The following SUCO variants were observed in gnomAD, a reference collection of about 807,000 sequenced individuals.
The protein encoded by SUCO is SUN domain containing ossification factor, also known as SUN domain-containing ossification factor.
A neutral mutation model predicts 148.1 loss-of-function variants in SUCO; 57 were observed. The ratio of observed to expected loss-of-function variants is 0.38; its 90% confidence interval spans 0.31 to 0.48. The LOEUF (loss-of-function observed/expected upper bound fraction) is 0.48, where lower values mean the gene tolerates loss of function less well. Among genes scored for constraint, SUCO ranks in the 20% least tolerant of loss-of-function variants. The probability of loss-of-function intolerance (pLI) is 0.96; values close to 1 mark genes in which losing one functional copy is unlikely to be tolerated. For synonymous variants in SUCO, 470 were observed against 502.7 expected (o/e 0.93, Z 0.87); for missense variants, 1,331 against 1,468.2 (o/e 0.91, Z 1.53).
At chr1:172,532,760 A>T, upstream of SUCO, 1 of 1,613,686 alleles carries the variant, frequency 6.2e-7, no homozygotes, top group Non-Finnish European at 8.5e-7. Context: ...TACAACTCCC[A>T]AAGGCCCTTG....
At chr1:172,532,849 T>G (rs757472649), upstream of SUCO, 251 of 1,539,518 alleles carry the variant, frequency 1.6e-4, no homozygotes, top group Non-Finnish European at 2.0e-4. Context: ...CCTCCCGGCT[T>G]TCTGAACGCA....
rs900323742 is a variant in SUCO at position 172,610,408 on chromosome 1, G to T, written c.*149G>T. 2 of 1,258,724 alleles carry T rather than the reference G, an allele frequency of 1.6e-6. No homozygotes were observed. The highest frequency in any genetic ancestry group is 1.1e-6 in the Non-Finnish European group (1 of 951,836). 78.0% of individuals were successfully genotyped at this position (1,258,724 alleles called of 1,614,324 possible). A position where few individuals can be genotyped will look rare whatever the true frequency, so the allele number is the denominator to read the frequency against. On this transcript the variant is annotated 3_prime_UTR_variant, in exon 24 of 24. Coordinates refer to ENST00000263688, the MANE Select transcript of SUCO (RefSeq NM_014283.5). ...TTTCTACCTTTTTAAAAAGTAGATG[G>T]GATTGTGTCAATCTTGGTTAATGAG...
chr1:172,594,591 T>A (rs1656940588), intron 19 of SUCO, among the ~76,000 whole-genome samples: 1 of 152,214 alleles, frequency 6.6e-6, no homozygotes, highest in African/African-American at 2.4e-5. Flanking sequence ...TGAGCAGTTT[T>A]GAGTGAGTTT....
At chr1:172,553,109 A>G (rs17370159) in intron 2 of SUCO, 151 bp from the exon 3 acceptor site, 179,893 of 800,284 alleles carry the variant, frequency 0.22, 21,504 homozygotes, top group South Asian at 0.27. Flanking sequence ...GAAATAGACA[A>G]TAATCTTGTA....
At chr1:172,546,521 TA>T (rs935321782) in intron 1 of SUCO, among the ~76,000 whole-genome samples, 2 of 152,174 alleles carry the variant, frequency 1.3e-5, no homozygotes, top group Non-Finnish European at 2.9e-5. Flanking sequence ...GGCCGTGTAG[TA>T]GTGGCTAAGA....
At chr1:172,533,146 G>A, upstream of SUCO, 3 of 1,453,172 alleles carry the variant, frequency 2.1e-6, no homozygotes, top group South Asian at 4.3e-5. Context: ...CGGGCGGGGA[G>A]GATATGGGGC....
intron 9 of SUCO, among the ~76,000 whole-genome samples, 181 bp from the exon 10 acceptor site, chr1:172,573,710 G>T (rs1450096387): frequency 6.6e-6 from 1 of 151,952 alleles, no homozygotes; most frequent in Non-Finnish European, 1.5e-5. Context: ...CCCACTAATG[G>T]TATCCTTTGG....
intron 7 of SUCO, 142 bp downstream of exon 7, chr1:172,569,284 G>A: frequency 9.5e-7 from 1 of 1,057,312 alleles, no homozygotes; most frequent in Non-Finnish European, 1.2e-6. Flanking sequence ...AGTTGCTGTT[G>A]ATCCATCCAT....
intron 15 of SUCO, among the ~76,000 whole-genome samples, chr1:172,581,590 G>C (rs1655887647): frequency 1.3e-5 from 2 of 152,136 alleles, no homozygotes; most frequent in South Asian, 4.1e-4. Context: ...TAATAAAGTG[G>C]AATCAGAACT....
chr1:172,585,820 A>G (rs1271724908), intron 16 of SUCO, 38 bp from the exon 17 acceptor site: 2 of 1,386,298 alleles, frequency 1.4e-6, no homozygotes, highest in South Asian at 2.6e-5. Flanking sequence ...TACAGCTTTT[A>G]AAATTGAACT....
chr1:172,578,389 GGTAA>G lies in SUCO; in HGVS notation c.1432+3_1432+6del. On this transcript the variant is annotated splice_donor_variant and splice_donor_region_variant and intron_variant, in intron 14 of 23. Transcript: ENST00000263688. LOFTEE classifies it high-confidence loss of function. ...CCAGGAACTATTTGATGAGGACTAT[GGTAA>G]GTGACATCAAACAGATGACTGTTAG... is the stretch of plus-strand genomic sequence containing the variant. 6.2e-7 allele frequency: 1 copy of G among 1,608,442 alleles called. No homozygotes were observed. Among genetic ancestry groups the G allele is most frequent in the Non-Finnish European group, 8.5e-7 (1 of 1,175,310 alleles).
intron 16 of SUCO, 90 bp downstream of exon 16, chr1:172,585,176 G>T (rs1656150817): frequency 1.9e-6 from 2 of 1,057,210 alleles, no homozygotes; most frequent in South Asian, 1.8e-5. Flanking sequence ...AAGAAAATTT[G>T]ATTGTTTACA....
chr1:172,540,366 A>G (rs953071545), intron 1 of SUCO, among the ~76,000 whole-genome samples: 17 of 152,212 alleles, frequency 1.1e-4, no homozygotes, highest in Admixed American at 9.8e-4. Flanking sequence ...CTAGGAAGGA[A>G]TGGACATTGG....
intron 1 of SUCO, among the ~76,000 whole-genome samples, chr1:172,535,183 A>G (rs1410122524): frequency 6.6e-6 from 1 of 152,194 alleles, no homozygotes; most frequent in Non-Finnish European, 1.5e-5. Context: ...TTGGCCTGGT[A>G]TTGAAAGTAG....
chr1:172,583,989 G>A (rs990084567), intron 15 of SUCO, among the ~76,000 whole-genome samples: 4 of 152,126 alleles, frequency 2.6e-5, no homozygotes, highest in African/African-American at 9.7e-5. Flanking sequence ...TATGCAAATT[G>A]CTTTTTACAA....
rs34871543 is a variant in SUCO, at chr1:172,562,327, A to ATTT, written c.732+4551_732+4553dup. 5.0e-3 allele frequency among the ~76,000 whole-genome samples: 685 copies of ATTT among 137,680 alleles called. 5 individuals carry two copies. The highest frequency in any genetic ancestry group is 0.018 in the South Asian group (79 of 4,322). 90.3% of individuals were successfully genotyped at this position (137,680 alleles called of 152,430 possible). On this transcript the variant is annotated intron_variant, in intron 6 of 23. Transcript: ENST00000263688. ...CATTTTAAGAAAATTGGGTTTTAAC[A>ATTT]TTTTTTTTTTTTTTTTTTTTATTTT...
chr1:172,534,500 T>C (rs1296183906), intron 1 of SUCO, among the ~76,000 whole-genome samples: 1 of 152,216 alleles, frequency 6.6e-6, no homozygotes, highest in Non-Finnish European at 1.5e-5. Context: ...AGCACTGAAA[T>C]TGTAGAGTTG....
chr1:172,604,502 G>A (rs1156975348), intron 22 of SUCO, among the ~76,000 whole-genome samples: 2 of 151,816 alleles, frequency 1.3e-5, no homozygotes, highest in Admixed American at 6.6e-5. Flanking sequence ...CTCTGTGGGA[G>A]AGACCATGTC....
rs868777843 is a variant in SUCO at position 172,610,388 on chromosome 1, A to C, written c.*129A>C. On this transcript the variant is annotated 3_prime_UTR_variant, in exon 24 of 24. Transcript: ENST00000263688. ...AAGGCATTCAGAAATTATGGTTTCT[A>C]CCTTTTTAAAAAGTAGATGGGATTG... 3 of 1,386,528 alleles carry C rather than the reference A, an allele frequency of 2.2e-6. No homozygotes were observed. The Middle Eastern group carries it at 7.7e-4, about 357-fold the overall frequency. The allele number at this position is 1,386,528 out of a possible 1,614,324, so 85.9% of individuals were successfully genotyped here. A position where few individuals can be genotyped will look rare whatever the true frequency, so the allele number is the denominator to read the frequency against.
Sources: gnomAD v4.1 joint callset for allele counts (sites outside exome capture counted in the v4.1 genomes callset) on GRCh38, gnomAD v4.1.1 for gene constraint, MANE v1.5 for transcripts, NCBI Gene and HGNC (gene_info 2026-07-23, HGNC 2026-07-21) for gene names.